The following WHAMM variants were observed in gnomAD, a reference collection of about 807,000 sequenced individuals.
WHAMM encodes WASP homolog-associated protein with actin, membranes and microtubules.
Under a neutral mutation model 76.5 loss-of-function variants are expected in WHAMM, and 67 were observed. That is an observed-to-expected ratio of 0.88 (90% CI 0.72 to 1.07). The LOEUF (loss-of-function observed/expected upper bound fraction) is 1.07. Ranked by LOEUF, WHAMM falls within the 50% of genes least tolerant of loss-of-function variation. WHAMM has a pLI of 0.00. For synonymous variants in WHAMM, 419 were observed against 422.1 expected (o/e 0.99, Z 0.09); for missense variants, 1,021 against 1,051.1 (o/e 0.97, Z 0.40).
At chr15:82,826,163 C>A (rs1455204740) in intron 6 of WHAMM, among the ~76,000 whole-genome samples, 1 of 152,128 alleles carries the variant, frequency 6.6e-6, no homozygotes, top group Non-Finnish European at 1.5e-5. Flanking sequence ...GCCTATGTGT[C>A]CTCTCATGGT....
At position 82,818,018 on chromosome 15, in the gene WHAMM, C is replaced by T. The variant is rs750323619; in HGVS notation, c.1033C>T (p.Arg345Ter). The T allele has an allele frequency of 1.1e-5, 17 of 1,549,778 alleles. No homozygotes were observed. Among genetic ancestry groups the T allele is most frequent in the Middle Eastern group, 2.3e-4 (1 of 4,354 alleles). The part of the protein sequence containing the change: ...RLEKLQLMLA[R>*]ETLQLMRAKE... ...GGAAAAACTTCAGCTAATGCTAGCT[C>T]GAGAGACTCTGCAACTCATGAGAGC... The change falls in exon 4 of 10, where the codon CGA becomes TGA. Residue 345 changes from arginine to a stop codon, truncating the protein, a stop_gained. Coordinates refer to ENST00000286760, the MANE Select transcript of WHAMM (RefSeq NM_001080435.3). LOFTEE classifies it high-confidence loss of function.
chr15:82,820,535 A>G (rs1174195452), intron 5 of WHAMM, among the ~76,000 whole-genome samples: 1 of 152,146 alleles, frequency 6.6e-6, no homozygotes, highest in Non-Finnish European at 1.5e-5. Context: ...CCTCACCTCC[A>G]TATTATTTTC....
intron 5 of WHAMM, among the ~76,000 whole-genome samples, chr15:82,821,765 T>A (rs2050833029): frequency 6.6e-6 from 1 of 152,208 alleles, no homozygotes; most frequent in Admixed American, 6.5e-5. Flanking sequence ...TGATTGTGAT[T>A]TTGCTTAAAA....
intron 2 of WHAMM, among the ~76,000 whole-genome samples, chr15:82,815,031 G>C (rs1223248847): frequency 6.8e-6 from 1 of 146,360 alleles, no homozygotes; most frequent in Non-Finnish European, 1.5e-5. Context: ...CGGCCTCCCA[G>C]AGTGCTGGGA....
chr15:82,810,850 ATTC>A (rs1720437259), intron 1 of WHAMM: 2 of 788,242 alleles, frequency 2.5e-6, no homozygotes, highest in Non-Finnish European at 3.1e-6. Flanking sequence ...GGTGAACTTT[ATTC>A]ATCAGTTTGG....
chr15:82,812,699 G>A (rs144030056), intron 1 of WHAMM, among the ~76,000 whole-genome samples: 1,579 of 151,928 alleles, frequency 0.01, 13 homozygotes, highest in Non-Finnish European at 0.017. Context: ...TTATAAAAGT[G>A]TCTTTTTTTT....
chr15:82,820,619 G>A (rs1289372482), intron 5 of WHAMM, among the ~76,000 whole-genome samples: 1 of 152,152 alleles, frequency 6.6e-6, no homozygotes, highest in Admixed American at 6.5e-5. Context: ...CCCAGGCTGG[G>A]TGTGGTGGCT....
At chr15:82,833,142 TAGG>T (rs1259687513) in intron 9 of WHAMM, 84 bp from the exon 10 acceptor site, 22 of 1,384,960 alleles carry the variant, frequency 1.6e-5, no homozygotes, top group Middle Eastern at 1.9e-4. Context: ...TGTTAACTGA[TAGG>T]AGATTTCACA....
At chr15:82,818,200 A>G (rs2050759955) in intron 4 of WHAMM, 111 bp downstream of exon 4, 1 of 1,202,730 alleles carries the variant, frequency 8.3e-7, no homozygotes, top group Non-Finnish European at 1.1e-6. Context: ...TATATTGTGT[A>G]GTGGTGAAGT....
Position 82,833,364 on chromosome 15 carries a change from T to C in WHAMM, c.2258T>C (p.Leu753Pro). The change falls in exon 10 of 10, where the codon CTG (leucine) becomes CCG (proline). Residue 753 changes from leucine to proline, a missense_variant. Around this residue, in one of 3 missense-constraint regions of WHAMM, gnomAD observed 509 missense variants for 492.3 expected, o/e 1.03. Coordinates refer to ENST00000286760, the MANE Select transcript of WHAMM (RefSeq NM_001080435.3). ...ILAAIRQGVKLKKVHPDLGPN... is the reference protein window; with the variant it reads ...ILAAIRQGVKPKKVHPDLGPN... Reference sequence around the variant, plus strand: ...GCTGCCATAAGGCAAGGGGTCAAACTGAAGAAAGTTCACCCTGATCTTGGC... The same window carrying C: ...GCTGCCATAAGGCAAGGGGTCAAACCGAAGAAAGTTCACCCTGATCTTGGC... The C allele has an allele frequency of 6.2e-7, 1 of 1,614,004 alleles. No individual in the cohort carries two copies. Among genetic ancestry groups the C allele is most frequent in the Non-Finnish European group, 8.5e-7 (1 of 1,179,890 alleles).
chr15:82,827,629 G>A (rs561960283), intron 8 of WHAMM, among the ~76,000 whole-genome samples: 45 of 152,228 alleles, frequency 3.0e-4, no homozygotes, highest in African/African-American at 1.0e-3. Flanking sequence ...TTCATCTAAA[G>A]GTAAATAGGT....
At chr15:82,828,178 C>A (rs373235438) in intron 8 of WHAMM, among the ~76,000 whole-genome samples, 121 of 152,306 alleles carry the variant, frequency 7.9e-4, no homozygotes, top group African/African-American at 2.8e-3. Context: ...GTTCTTGAAA[C>A]AGCCTTGTGA....
At position 82,809,633 on chromosome 15, in the gene WHAMM, GA is replaced by G; in HGVS notation, c.-89del. 8.8e-7 allele frequency: 1 copy of G among 1,135,290 alleles called. No individual in the cohort carries two copies. The highest frequency in any genetic ancestry group is 3.3e-4 in the Middle Eastern group (1 of 2,990). 70.3% of individuals were successfully genotyped at this position (1,135,290 alleles called of 1,614,324 possible). On this transcript the variant is annotated 5_prime_UTR_variant, in exon 1 of 10. The change creates a new upstream start codon in the 5' untranslated region. Transcript: ENST00000286760. ...GCACTGACGCGGTTTCGATTCTAGCGAAAAATGATTTGGCTCGGACTGTCCC... is the reference window on the plus strand; with the variant it reads ...GCACTGACGCGGTTTCGATTCTAGCGAAAATGATTTGGCTCGGACTGTCCC...
chr15:82,814,709 C>T (rs920967368), intron 2 of WHAMM, among the ~76,000 whole-genome samples: 3 of 151,924 alleles, frequency 2.0e-5, no homozygotes, highest in Admixed American at 2.0e-4. Flanking sequence ...GCCTTGGGCT[C>T]CCAAAGTGCT....
chr15:82,816,094 C>T (rs1447857637), intron 2 of WHAMM, among the ~76,000 whole-genome samples: 1 of 152,112 alleles, frequency 6.6e-6, no homozygotes, highest in Non-Finnish European at 1.5e-5. Flanking sequence ...GTCTCCTCTT[C>T]TTTTTATAAG....
rs28698473 is a variant in WHAMM at position 82,834,411 on chromosome 15, G to T, written c.*875G>T. The T allele has an allele frequency of 0.12, 17,835 of 152,510 alleles. 1,134 individuals are homozygous for T. The highest frequency in any genetic ancestry group is 0.18 in the Admixed American group (2,771 of 15,292). The allele number at this position is 152,510 out of a possible 1,614,324, so 9.4% of individuals were successfully genotyped here. A position where few individuals can be genotyped will look rare whatever the true frequency, so the allele number is the denominator to read the frequency against. ...GTAGAGATGAGAGTTTCACACACCA[G>T]CCCATAGGTGGGATGTCAAGACCCA... On this transcript the variant is annotated 3_prime_UTR_variant, in exon 10 of 10. Coordinates refer to ENST00000286760, the MANE Select transcript of WHAMM (RefSeq NM_001080435.3).
rs1383752553 is a variant in WHAMM at position 82,834,784 on chromosome 15, A to G, written c.*1248A>G. On this transcript the variant is annotated 3_prime_UTR_variant, in exon 10 of 10. Coordinates refer to ENST00000286760, the MANE Select transcript of WHAMM (RefSeq NM_001080435.3). ...GAAAACATACCTTAGCTGCTGTAAA[A>G]GCAAAGTCTTCCGTGTCCGGGTGGG... 1 of 152,288 alleles carries G rather than the reference A, an allele frequency of 6.6e-6. No individual in the cohort carries two copies. Among genetic ancestry groups the G allele is most frequent in the East Asian group, 1.9e-4 (1 of 5,202 alleles). 9.4% of individuals were successfully genotyped at this position (152,288 alleles called of 1,614,324 possible). A position where few individuals can be genotyped will look rare whatever the true frequency, so the allele number is the denominator to read the frequency against.
intron 2 of WHAMM, among the ~76,000 whole-genome samples, chr15:82,814,766 CT>C (rs773443880): frequency 0.015 from 1,451 of 94,748 alleles, 8 homozygotes; most frequent in African/African-American, 0.038. Flanking sequence ...TTTTTCCTTT[CT>C]TTTTTTTTTT....
Position 82,817,961 on chromosome 15 carries a change from C to G in WHAMM, c.976C>G (p.Gln326Glu). 6.5e-7 allele frequency: 1 copy of G among 1,547,688 alleles called. No individual in the cohort carries two copies. The highest frequency in any genetic ancestry group is 1.2e-5 in the South Asian group (1 of 83,674). ...GGAACAGGATGCGAAGAGATTTGGT[C>G]AGGCTGCCTGGGCCACAGCAATTCC... ...EMEQDAKRFG[Q>E]AAWATAIPRL... Residue 326 changes from glutamine to glutamate, a missense_variant, in exon 4 of 10, where the codon CAG (glutamine) becomes GAG (glutamate). This residue lies in a region of WHAMM where 501 missense variants were observed against 524.9 expected (regional missense o/e 0.95). Transcript: ENST00000286760.
Sources: gnomAD v4.1 joint callset for allele counts (sites outside exome capture counted in the v4.1 genomes callset) on GRCh38, gnomAD v4.1.1 for gene constraint, gnomAD v4.1.1 regional missense constraint, MANE v1.5 for transcripts, NCBI Gene and HGNC (gene_info 2026-07-23, HGNC 2026-07-21) for gene names.